Variants in RAD1 observed in about 807,000 individuals in gnomAD.
RAD1 encodes the protein cell cycle checkpoint protein RAD1.
RAD1 carries 21 observed loss-of-function variants against 30.0 expected under a neutral mutation model. The observed-to-expected ratio is 0.70, with a 90% confidence interval of 0.50 to 1.01. The LOEUF (loss-of-function observed/expected upper bound fraction) is 1.01, where lower values mean the gene tolerates loss of function less well. Among genes scored for constraint, RAD1 ranks in the 50% least tolerant of loss-of-function variants. RAD1 has a pLI of 0.00. For synonymous variants in RAD1, 109 were observed against 113.6 expected (o/e 0.96, Z 0.26); for missense variants, 329 against 329.0 (o/e 1.00, Z 0.00).
chr5:34,914,661 T>C (rs768693174), intron 2 of RAD1, 34 bp downstream of exon 2: 9 of 1,603,528 alleles, frequency 5.6e-6, no homozygotes, highest in Non-Finnish European at 7.7e-6. Context: ...TTAGAGTATC[T>C]ATGGCACAGG....
In RAD1 at chr5:34,905,550, G is replaced by A. The variant is rs1487113630; in HGVS notation, c.*3215C>T. ...TTGAAGCATTTCATCAATTCTCGGT[G>A]GAAGCACTACATCATCGAATGGGAA... On this transcript the variant is annotated 3_prime_UTR_variant, in exon 6 of 6. Coordinates refer to ENST00000382038, the MANE Select transcript of RAD1 (RefSeq NM_002853.4). 6.6e-6 allele frequency: 1 copy of A among 151,058 alleles called. No homozygotes were observed. The highest frequency in any genetic ancestry group is 1.9e-4 in the East Asian group (1 of 5,146). The allele number at this position is 151,058 out of a possible 1,614,324, so 9.4% of individuals were successfully genotyped here.
intron 4 of RAD1, 83 bp downstream of exon 4, chr5:34,911,471 A>G: frequency 6.7e-7 from 1 of 1,499,242 alleles, no homozygotes. Context: ...GTGGATAATA[A>G]AAATTTTGCA....
intron 4 of RAD1, 126 bp downstream of exon 4, chr5:34,911,420 TAAGAGTAC>T: frequency 9.4e-7 from 1 of 1,058,612 alleles, no homozygotes; most frequent in Non-Finnish European, 1.4e-6. Flanking sequence ...AATTATGAGG[TAAGAGTAC>T]AAGCTGTCTA....
At chr5:34,914,092 G>A in intron 2 of RAD1, 7 of 426,624 alleles carry the variant, frequency 1.6e-5, no homozygotes, top group Middle Eastern at 6.8e-4. Context: ...GTGCACTTAC[G>A]TGTTAAAAAA....
Position 34,914,977 on chromosome 5 carries a change from A to C in RAD1, c.-69-16T>G, listed in dbSNP as rs1259767101. The C allele has an allele frequency of 1.4e-6, 2 of 1,454,922 alleles. No homozygotes were observed. 90.1% of individuals were successfully genotyped at this position (1,454,922 alleles called of 1,614,324 possible). On this transcript the variant is annotated splice_polypyrimidine_tract_variant and intron_variant, in intron 1 of 5. Coordinates refer to ENST00000382038, the MANE Select transcript of RAD1 (RefSeq NM_002853.4). ...CGCCAAACACCTGAAGGGATTAGAC[A>C]GTAAAACTCCCATCAGTGCTGGCGA...
At position 34,905,975 on chromosome 5, in the gene RAD1, G is replaced by A. The variant is rs1242336611; in HGVS notation, c.*2790C>T. ...TTATTTTAATTTTTTTTGTTTTTGA[G>A]ACGGAGTCTTGCTCTGTCACCCAGG... On this transcript the variant is annotated 3_prime_UTR_variant, in exon 6 of 6. Transcript: ENST00000382038. The A allele has an allele frequency of 2.6e-5, 4 of 151,850 alleles. No homozygotes were observed. The highest frequency in any genetic ancestry group is 4.4e-5 in the Non-Finnish European group (3 of 67,964). 9.4% of individuals were successfully genotyped at this position (151,850 alleles called of 1,614,324 possible).
At chr5:34,909,430 C>A in intron 4 of RAD1, 74 bp from the exon 5 acceptor site, 1 of 1,039,842 alleles carries the variant, frequency 9.6e-7, no homozygotes, top group Non-Finnish European at 1.5e-6. Flanking sequence ...AAAGAAAACA[C>A]TTCCTTAAGA....
chr5:34,912,194 G>GT (rs1425943991), intron 3 of RAD1, among the ~76,000 whole-genome samples: 1 of 152,200 alleles, frequency 6.6e-6, no homozygotes, highest in Non-Finnish European at 1.5e-5. Flanking sequence ...TTCAATGTGT[G>GT]TAACAGTGGA....
rs145810279 is a variant in RAD1 at position 34,911,684 on chromosome 5, C to G, written c.436G>C (p.Asp146His). The G allele has an allele frequency of 9.3e-6, 15 of 1,614,028 alleles. No homozygotes were observed. The African/African-American group carries it at 1.7e-4, about 19-fold the overall frequency. Residue 146 changes from aspartate to histidine, a missense_variant, in exon 4 of 6, where the codon GAT (aspartate) becomes CAT (histidine). Physicochemically the swap from Asp to His is moderately conservative, Grantham distance 81. Coordinates refer to ENST00000382038, the MANE Select transcript of RAD1 (RefSeq NM_002853.4). ...TQEPEETLDF[D>H]FCSTNVINKI... The stretch of plus-strand genomic sequence containing the variant: ...TTAATAACATTGGTGCTGCAGAAAT[C>G]AAAGTCCAGGGTCTCCTCAGGTTCC...
Position 34,908,839 on chromosome 5 carries a change from T to A in RAD1, c.775A>T (p.Asn259Tyr), listed in dbSNP as rs758860603. 54 of 1,613,258 alleles carry A rather than the reference T, an allele frequency of 3.3e-5. No individual in the cohort carries two copies. Among genetic ancestry groups the A allele is most frequent in the Non-Finnish European group, 3.9e-5 (46 of 1,179,624 alleles). The change falls in exon 6 of 6, where the codon AAT (asparagine) becomes TAT (tyrosine). Residue 259 changes from asparagine to tyrosine, a missense_variant. Coordinates refer to ENST00000382038, the MANE Select transcript of RAD1 (RefSeq NM_002853.4). Reference sequence around the variant, plus strand: ...ACAAAACATATTTGTCCATCTTCATTTCTAATCATATACTGTAATGAAAGG... The same window carrying A: ...ACAAAACATATTTGTCCATCTTCATATCTAATCATATACTGTAATGAAAGG... Reference protein sequence around the residue: ...GFLSLQYMIRNEDGQICFVEY... With the variant: ...GFLSLQYMIRYEDGQICFVEY...
chr5:34,907,369 C>G lies in RAD1; in HGVS notation c.*1396G>C, dbSNP rs1477781183. The G allele has an allele frequency of 6.6e-6, 1 of 152,162 alleles. No individual in the cohort carries two copies. Among genetic ancestry groups the G allele is most frequent in the Non-Finnish European group, 1.5e-5 (1 of 68,032 alleles). The allele number at this position is 152,162 out of a possible 1,614,324, so 9.4% of individuals were successfully genotyped here. On this transcript the variant is annotated 3_prime_UTR_variant, in exon 6 of 6. Transcript: ENST00000382038. ...CTAAATGAATCCTGCAATGGGATGA[C>G]AGGTTTTTATCCTAAAGAACTGTCT...
At chr5:34,911,872 T>A in intron 3 of RAD1, 60 bp from the exon 4 acceptor site, 2 of 1,546,170 alleles carry the variant, frequency 1.3e-6, no homozygotes, top group Non-Finnish European at 8.8e-7. Context: ...CAGCTTCTCC[T>A]CGAAATGATA....
In RAD1 at chr5:34,905,736, C is replaced by T. The variant is rs1374250001; in HGVS notation, c.*3029G>A. The T allele has an allele frequency of 1.3e-5, 2 of 151,828 alleles. No homozygotes were observed. The highest frequency in any genetic ancestry group is 2.4e-5 in the African/African-American group (1 of 41,330). The allele number at this position is 151,828 out of a possible 1,614,324, so 9.4% of individuals were successfully genotyped here. On this transcript the variant is annotated 3_prime_UTR_variant, in exon 6 of 6. Coordinates refer to ENST00000382038, the MANE Select transcript of RAD1 (RefSeq NM_002853.4). ...TCAATTTGTAGTGGCACCAAAGTGTCGCCTGCTCTGCCTGAGGGAGCACTC... is the reference window on the plus strand; with the variant it reads ...TCAATTTGTAGTGGCACCAAAGTGTTGCCTGCTCTGCCTGAGGGAGCACTC...
chr5:34,913,450 T>C lies in RAD1; in HGVS notation c.307+20A>G. The C allele has an allele frequency of 7.0e-7, 1 of 1,432,220 alleles. No individual in the cohort carries two copies. The allele number at this position is 1,432,220 out of a possible 1,614,324, so 88.7% of individuals were successfully genotyped here. ...CACTATGTATAACACTTTTATGTCTTTATACTGATCATAGTTTACCTGGCA... is the reference window on the plus strand; with the variant it reads ...CACTATGTATAACACTTTTATGTCTCTATACTGATCATAGTTTACCTGGCA... On this transcript the variant is annotated intron_variant, in intron 3 of 5. Coordinates refer to ENST00000382038, the MANE Select transcript of RAD1 (RefSeq NM_002853.4).
Position 34,914,974 on chromosome 5 carries a change from G to C in RAD1, c.-69-13C>G. 6.7e-7 allele frequency: 1 copy of C among 1,492,010 alleles called. No homozygotes were observed. Among genetic ancestry groups the C allele is most frequent in the Non-Finnish European group, 9.2e-7 (1 of 1,086,768 alleles). The allele number at this position is 1,492,010 out of a possible 1,614,324, so 92.4% of individuals were successfully genotyped here. On this transcript the variant is annotated splice_polypyrimidine_tract_variant and intron_variant, in intron 1 of 5. Transcript: ENST00000382038. ...GATCGCCAAACACCTGAAGGGATTA[G>C]ACAGTAAAACTCCCATCAGTGCTGG... is the stretch of plus-strand genomic sequence containing the variant.
Position 34,909,376 on chromosome 5 carries a change from C to G in RAD1, c.567-20G>C. 1.3e-6 allele frequency: 2 copies of G among 1,490,536 alleles called. No individual in the cohort carries two copies. Among genetic ancestry groups the G allele is most frequent in the Non-Finnish European group, 1.9e-6 (2 of 1,072,792 alleles). The allele number at this position is 1,490,536 out of a possible 1,614,324, so 92.3% of individuals were successfully genotyped here. A position where few individuals can be genotyped will look rare whatever the true frequency, so the allele number is the denominator to read the frequency against. The stretch of plus-strand genomic sequence containing the variant: ...GATAACCTATAGAAAATGATTACCT[C>G]ATTTATTCATTCATCCAAAAATAAA... On this transcript the variant is annotated intron_variant, in intron 4 of 5. Coordinates refer to ENST00000382038, the MANE Select transcript of RAD1 (RefSeq NM_002853.4).
chr5:34,910,508 A>G (rs1330802975), intron 4 of RAD1, among the ~76,000 whole-genome samples: 1 of 151,042 alleles, frequency 6.6e-6, no homozygotes, highest in African/African-American at 2.4e-5. Context: ...GCTCACCGCA[A>G]CCTCCACTTC....
rs1160047411 is a variant in RAD1, at chr5:34,907,810, C to T, written c.*955G>A. 1 of 152,126 alleles carries T rather than the reference C, an allele frequency of 6.6e-6. No homozygotes were observed. Among genetic ancestry groups the T allele is most frequent in the Non-Finnish European group, 1.5e-5 (1 of 68,028 alleles). 9.4% of individuals were successfully genotyped at this position (152,126 alleles called of 1,614,324 possible). A position where few individuals can be genotyped will look rare whatever the true frequency, so the allele number is the denominator to read the frequency against. The stretch of plus-strand genomic sequence containing the variant: ...AATTGTTCAGACTTGTTTGGTGATG[C>T]CTCAACTTCAGAACATTTGCAAGGA... On this transcript the variant is annotated 3_prime_UTR_variant, in exon 6 of 6. Coordinates refer to ENST00000382038, the MANE Select transcript of RAD1 (RefSeq NM_002853.4).
rs1449808619 is a variant in RAD1, at chr5:34,908,122, TAAATA to T, written c.*638_*642del. 2.0e-5 allele frequency: 3 copies of T among 150,774 alleles called. No individual in the cohort carries two copies. The highest frequency in any genetic ancestry group is 7.3e-5 in the African/African-American group (3 of 41,100). The allele number at this position is 150,774 out of a possible 1,614,324, so 9.3% of individuals were successfully genotyped here. Reference sequence around the variant, plus strand: ...TGCCTTTGCTTTTTCTAATAATAAATAAATAAAAGATCATTTCAGGTAGCTGCATC... The same window carrying T: ...TGCCTTTGCTTTTTCTAATAATAAATAAAGATCATTTCAGGTAGCTGCATC... On this transcript the variant is annotated 3_prime_UTR_variant, in exon 6 of 6. Coordinates refer to ENST00000382038, the MANE Select transcript of RAD1 (RefSeq NM_002853.4).
Sources: allele counts gnomAD v4.1 joint callset (sites outside exome capture counted in the v4.1 genomes callset), GRCh38; gene constraint gnomAD v4.1.1; transcripts MANE v1.5; gene names NCBI Gene and HGNC (gene_info 2026-07-23, HGNC 2026-07-21).